Variants in KCNJ6 observed in about 807,000 individuals in gnomAD.
KCNJ6 encodes the protein G protein-activated inward rectifier potassium channel 2.
Under a neutral mutation model 34.2 loss-of-function variants are expected in KCNJ6, and 9 were observed. That is an observed-to-expected ratio of 0.26 (90% CI 0.16 to 0.46). The LOEUF (loss-of-function observed/expected upper bound fraction) is 0.46. Among genes scored for constraint, KCNJ6 ranks in the 20% least tolerant of loss-of-function variants. The probability of loss-of-function intolerance (pLI) is 1.00; values close to 1 mark genes in which losing one functional copy is unlikely to be tolerated. For missense variants in KCNJ6, 236 were observed against 531.3 expected, an observed-to-expected ratio of 0.44 and a Z score of 5.46; for synonymous variants, 196 against 207.1, an observed-to-expected ratio of 0.95 and a Z score of 0.46.
intron 3 of KCNJ6, among the ~76,000 whole-genome samples, chr21:37,681,101 G>A (rs2054588747): frequency 6.6e-6 from 1 of 152,146 alleles, no homozygotes; most frequent in Admixed American, 6.5e-5. Context: ...CTCTAGAACT[G>A]AATGGAAGAT....
chr21:37,754,519 G>A (rs1000103884), intron 2 of KCNJ6, among the ~76,000 whole-genome samples: 20 of 152,274 alleles, frequency 1.3e-4, no homozygotes, highest in African/African-American at 4.8e-4. Context: ...ATAAGTGAAG[G>A]TTTAAAATGA....
At chr21:37,886,839 C>T (rs1434282431) in intron 1 of KCNJ6, among the ~76,000 whole-genome samples, 1 of 152,130 alleles carries the variant, frequency 6.6e-6, no homozygotes, top group Non-Finnish European at 1.5e-5. Context: ...TTCCCCAGCC[C>T]CTAGCAGTTT....
At chr21:37,875,262 G>C (rs902521907) in intron 1 of KCNJ6, among the ~76,000 whole-genome samples, 11 of 152,208 alleles carry the variant, frequency 7.2e-5, no homozygotes, top group African/African-American at 2.7e-4. Context: ...TTTTAAAAAA[G>C]AATTGAAAAG....
chr21:37,749,916 GA>G (rs1207314676), intron 2 of KCNJ6, among the ~76,000 whole-genome samples: 30 of 152,172 alleles, frequency 2.0e-4, no homozygotes, highest in Admixed American at 2.0e-4. Flanking sequence ...CCGTCGCCAA[GA>G]AAGCTCCAAG....
intron 2 of KCNJ6, among the ~76,000 whole-genome samples, chr21:37,754,642 T>C (rs564465232): frequency 1.3e-5 from 2 of 152,270 alleles, no homozygotes; most frequent in South Asian, 4.1e-4. Flanking sequence ...TCACGTGAGA[T>C]TCCAACGCTA....
At chr21:37,751,837 C>T (rs939971994) in intron 2 of KCNJ6, among the ~76,000 whole-genome samples, 1 of 152,154 alleles carries the variant, frequency 6.6e-6, no homozygotes, top group Non-Finnish European at 1.5e-5. Context: ...GCTGTGCTTT[C>T]TTGATCTGTG....
At chr21:37,843,322 T>G (rs768524204) in intron 1 of KCNJ6, among the ~76,000 whole-genome samples, 49 of 152,174 alleles carry the variant, frequency 3.2e-4, no homozygotes, top group Non-Finnish European at 6.2e-4. Flanking sequence ...TGTAGTTAAA[T>G]GGAATCCTCT....
chr21:37,713,412 G>A (rs28557769), intron 3 of KCNJ6, among the ~76,000 whole-genome samples: 2,389 of 152,298 alleles, frequency 0.016, 26 homozygotes, highest in Middle Eastern at 0.031. Flanking sequence ...TTGAGTCCTA[G>A]CTGATGGCTC....
At chr21:37,678,353 A>G (rs2054576235) in intron 3 of KCNJ6, among the ~76,000 whole-genome samples, 1 of 152,248 alleles carries the variant, frequency 6.6e-6, no homozygotes, top group East Asian at 1.9e-4. Flanking sequence ...CCTGTAGACA[A>G]TAGGAGTTAT....
Position 37,714,500 on chromosome 21 carries a change from G to T in KCNJ6, c.657C>A (p.Cys219Ter). ...AVISMRDGKLCLMFRVGDLRN... is the reference protein window; with the variant it reads ...AVISMRDGKL ...TAAGGTCCCCTACCCGGAACATCAGGCACAGTTTCCCATCCCGCATGGAGA... is the reference window on the plus strand; with the variant it reads ...TAAGGTCCCCTACCCGGAACATCAGTCACAGTTTCCCATCCCGCATGGAGA... The change falls in exon 3 of 4, where the codon TGC (cysteine) becomes TGA (stop). Residue 219 changes from cysteine (C) to a stop codon, truncating the protein, a stop_gained. Transcript: ENST00000609713. LOFTEE classifies it high-confidence loss of function. The surrounding 1 kb of genome is among the most constrained non-coding windows in gnomAD (Gnocchi z 5.9). The T allele has an allele frequency of 6.2e-7, 1 of 1,614,144 alleles. No individual in the cohort carries two copies. Among genetic ancestry groups the T allele is most frequent in the Non-Finnish European group, 8.5e-7 (1 of 1,180,026 alleles).
At chr21:37,729,224 C>A (rs2054871176) in intron 2 of KCNJ6, among the ~76,000 whole-genome samples, 1 of 151,966 alleles carries the variant, frequency 6.6e-6, no homozygotes, top group Admixed American at 6.6e-5. Flanking sequence ...CTGCCCATGG[C>A]ATATGGCTGG....
In KCNJ6 at chr21:37,619,364, C is replaced by T. The variant is rs2054283179; in HGVS notation, c.*5795G>A. On this transcript the variant is annotated 3_prime_UTR_variant, in exon 4 of 4. Transcript: ENST00000609713. ...TTTCCATCCATTATGTCTGTAATTA[C>T]CAATCTTTGTCTTTGCTTCAGACTC... 6.6e-6 allele frequency: 1 copy of T among 152,172 alleles called. No individual in the cohort carries two copies. The highest frequency in any genetic ancestry group is 2.1e-4 in the South Asian group (1 of 4,832). 9.4% of individuals were successfully genotyped at this position (152,172 alleles called of 1,614,324 possible).
intron 1 of KCNJ6, among the ~76,000 whole-genome samples, chr21:37,851,219 T>C (rs2055535923): frequency 1.3e-5 from 2 of 152,204 alleles, no homozygotes; most frequent in Admixed American, 1.3e-4. Context: ...CAAAACAGGA[T>C]ACTATCCCTG....
intron 2 of KCNJ6, among the ~76,000 whole-genome samples, chr21:37,728,107 G>C (rs2054864928): frequency 6.6e-6 from 1 of 152,216 alleles, no homozygotes; most frequent in Admixed American, 6.5e-5. Context: ...CCATACAGTG[G>C]AGTATTATTC....
chr21:37,741,289 C>T (rs1189057096), intron 2 of KCNJ6, among the ~76,000 whole-genome samples: 2 of 152,234 alleles, frequency 1.3e-5, no homozygotes, highest in African/African-American at 4.8e-5. Context: ...ACTCTCTCTG[C>T]AGCCCAGGAG....
intron 1 of KCNJ6, among the ~76,000 whole-genome samples, chr21:37,851,105 T>C (rs6517437): frequency 0.81 from 123,108 of 152,092 alleles, 50,413 homozygotes; most frequent in East Asian, 0.97. Flanking sequence ...GTGGAGCCCC[T>C]TAATCAGACA....
intron 3 of KCNJ6, among the ~76,000 whole-genome samples, chr21:37,642,849 C>T (rs893458658): frequency 1.3e-5 from 2 of 152,128 alleles, no homozygotes; most frequent in African/African-American, 2.4e-5. Flanking sequence ...ATACTTATAA[C>T]TAAAATGTCT....
chr21:37,885,765 T>C (rs1281365244), intron 1 of KCNJ6, among the ~76,000 whole-genome samples: 1 of 152,192 alleles, frequency 6.6e-6, no homozygotes, highest in Non-Finnish European at 1.5e-5. Context: ...TGCTAACACC[T>C]TGATTTCAGC....
At chr21:37,806,991 T>C (rs1601480995) in intron 2 of KCNJ6, among the ~76,000 whole-genome samples, 1 of 152,246 alleles carries the variant, frequency 6.6e-6, no homozygotes, top group East Asian at 1.9e-4. Context: ...CAATAGGATA[T>C]GCAAACCATT....
Sources: gnomAD v4.1 joint callset for allele counts (sites outside exome capture counted in the v4.1 genomes callset) on GRCh38, gnomAD v4.1.1 for gene constraint, Gnocchi (gnomAD v3.1) non-coding constraint, MANE v1.5 for transcripts, NCBI Gene and HGNC (gene_info 2026-07-23, HGNC 2026-07-21) for gene names.